FCHO1: variants seen among roughly 807,000 people sequenced by gnomAD.
FCHO1 encodes the protein FCH and mu domain containing endocytic adaptor 1, also known as F-BAR domain only protein 1.
In FCHO1, 45 loss-of-function variants were observed where a neutral mutation model predicts 114.4. The ratio of observed to expected loss-of-function variants is 0.39; its 90% confidence interval spans 0.31 to 0.50. FCHO1 has a LOEUF of 0.50. Ranked by LOEUF, FCHO1 falls within the 20% of genes least tolerant of loss-of-function variation. FCHO1 has a pLI of 0.77. For synonymous variants in FCHO1, 480 were observed against 488.9 expected (o/e 0.98, Z 0.24); for missense variants, 1,042 against 1,209.6 (o/e 0.86, Z 2.06).
chr19:17,756,707 T>G (rs1599550831), intron 4 of FCHO1, among the ~76,000 whole-genome samples: 1 of 152,218 alleles, frequency 6.6e-6, no homozygotes, highest in African/African-American at 2.4e-5. Flanking sequence ...CTGTGACATC[T>G]GTCATCAGTT....
chr19:17,765,519 A>G (rs1003613488), intron 6 of FCHO1, among the ~76,000 whole-genome samples: 1 of 151,890 alleles, frequency 6.6e-6, no homozygotes, highest in Non-Finnish European at 1.5e-5. Flanking sequence ...CTAAAAATGC[A>G]AAAATTAGCC....
At position 17,774,527 on chromosome 19, in the gene FCHO1, C is replaced by T. The variant is rs2287856; in HGVS notation, c.920+49C>T. On this transcript the variant is annotated intron_variant, in intron 13 of 28. Transcript: ENST00000596536. ...CTGGCCCAGGCTAGACCGAGATCCCCTCCCCTGCCCAGGCTATCCCAGAAG... is the reference window on the plus strand; with the variant it reads ...CTGGCCCAGGCTAGACCGAGATCCCTTCCCCTGCCCAGGCTATCCCAGAAG... 1,369,485 of 1,479,054 alleles carry T rather than the reference C, an allele frequency of 0.93. 635,207 individuals are homozygous for T. The highest frequency in any genetic ancestry group is 0.94 in the Non-Finnish European group (999,364 of 1,064,464). 91.6% of individuals were successfully genotyped at this position (1,479,054 alleles called of 1,614,324 possible).
At position 17,775,922 on chromosome 19, in the gene FCHO1, T is replaced by G; in HGVS notation, c.1004-61T>G. ...TGAGCAGGGAGGGACGAGGCTGGATTGGAGAGCTGACTGGGGGAAAGCTTG... is the reference window on the plus strand; with the variant it reads ...TGAGCAGGGAGGGACGAGGCTGGATGGGAGAGCTGACTGGGGGAAAGCTTG... On this transcript the variant is annotated intron_variant, in intron 15 of 28. Coordinates refer to ENST00000596536, the MANE Select transcript of FCHO1 (RefSeq NM_015122.3). This position sits in a 1 kb window ranked among gnomAD's most constrained non-coding sequence, Gnocchi z 5.1. 6 of 1,576,016 alleles carry G rather than the reference T, an allele frequency of 3.8e-6. No individual in the cohort carries two copies. Among genetic ancestry groups the G allele is most frequent in the Non-Finnish European group, 5.2e-6 (6 of 1,163,642 alleles).
At chr19:17,772,264 A>G (rs55842168) in intron 9 of FCHO1, among the ~76,000 whole-genome samples, 193 bp from the exon 10 acceptor site, 9,357 of 152,240 alleles carry the variant, frequency 0.061, 642 homozygotes, top group African/African-American at 0.17. Flanking sequence ...TCCCATCAGC[A>G]CATTGGCTCA....
At position 17,788,458 on chromosome 19, in the gene FCHO1, C is replaced by G. The variant is rs1052211; in HGVS notation, c.*152C>G. On this transcript the variant is annotated 3_prime_UTR_variant, in exon 29 of 29. Transcript: ENST00000596536. ...GCCCCATGCCCAGCCTGGCTGAGCCCGAGATTCGCTCCTCCCCCTCATGCC... is the reference window on the plus strand; with the variant it reads ...GCCCCATGCCCAGCCTGGCTGAGCCGGAGATTCGCTCCTCCCCCTCATGCC... The G allele has an allele frequency of 2.0e-5, 12 of 607,136 alleles. No homozygotes were observed. Among genetic ancestry groups the G allele is most frequent in the Admixed American group, 1.9e-4 (6 of 31,298 alleles). The allele number at this position is 607,136 out of a possible 1,614,324, so 37.6% of individuals were successfully genotyped here.
rs1311930775 is a variant in FCHO1, at chr19:17,787,716, C to T, written c.2517C>T (p.Leu839=). The T allele has an allele frequency of 1.3e-6, 2 of 1,575,252 alleles. No homozygotes were observed. The highest frequency in any genetic ancestry group is 1.7e-6 in the Non-Finnish European group (2 of 1,161,316). The change falls in exon 28 of 29, where the codon CTC becomes CTT. Residue 839 remains leucine, a synonymous_variant. Coordinates refer to ENST00000596536, the MANE Select transcript of FCHO1 (RefSeq NM_015122.3). ...GCCTCTCTGCCAGCTGGGAGCCGCT[C>T]TCAGGGCCCAGCACACCCAGCCCCG... ...SGRLSASWEP[L]SGPSTPSPVA... is the part of the protein sequence containing the mutation.
chr19:17,781,408 G>T, intron 21 of FCHO1, 44 bp from the exon 22 acceptor site: 1 of 1,611,628 alleles, frequency 6.2e-7, no homozygotes, highest in Non-Finnish European at 8.5e-7. Flanking sequence ...TTTGGGCACT[G>T]GTCCTGGGGC....
At chr19:17,770,982 G>GA in intron 9 of FCHO1, 86 bp downstream of exon 9, 2 of 1,198,176 alleles carry the variant, frequency 1.7e-6, no homozygotes, top group East Asian at 4.9e-5. Context: ...GGCAGGGTGT[G>GA]GTGGCTCACA....
chr19:17,784,770 C>G lies in FCHO1; in HGVS notation c.2272C>G (p.His758Asp), dbSNP rs200117114. The part of the protein sequence containing the change: ...PQSVPLQLSA[H>D]WQCGATLTQV... ...GTCTGTGCCTCTGCAGCTCAGTGCC[C>G]ACTGGCAGTGTGGAGCCACCCTCAC... Residue 758 changes from histidine to aspartate, a missense_variant, in exon 26 of 29, where the codon CAC (histidine) becomes GAC (aspartate). Coordinates refer to ENST00000596536, the MANE Select transcript of FCHO1 (RefSeq NM_015122.3). This position sits in a 1 kb window ranked among gnomAD's most constrained non-coding sequence, Gnocchi z 5.3. The G allele has an allele frequency of 6.2e-6, 10 of 1,614,108 alleles. No individual in the cohort carries two copies. Among genetic ancestry groups the G allele is most frequent in the Admixed American group, 5.0e-5 (3 of 60,018 alleles).
At chr19:17,782,823 C>G (rs2093549128) in intron 23 of FCHO1, among the ~76,000 whole-genome samples, 194 bp from the exon 24 acceptor site, 1 of 151,940 alleles carries the variant, frequency 6.6e-6, no homozygotes, top group South Asian at 2.1e-4. Flanking sequence ...CTCCTTCAGC[C>G]CAGGGTGGAT....
At chr19:17,780,315 C>G (rs530694551) in intron 20 of FCHO1, among the ~76,000 whole-genome samples, 1 of 151,994 alleles carries the variant, frequency 6.6e-6, no homozygotes, top group East Asian at 1.9e-4. Flanking sequence ...AGGTGCGTAC[C>G]GCCACACGTG....
chr19:17,771,395 G>A (rs532852062), intron 9 of FCHO1, among the ~76,000 whole-genome samples: 3 of 151,396 alleles, frequency 2.0e-5, no homozygotes, highest in East Asian at 1.9e-4. Context: ...AAGGCTGGGC[G>A]CGGTGGCTCA....
intron 11 of FCHO1, among the ~76,000 whole-genome samples, chr19:17,773,699 C>A (rs549130767): frequency 6.6e-6 from 1 of 152,274 alleles, no homozygotes; most frequent in East Asian, 1.9e-4. Flanking sequence ...TAGCTCATGT[C>A]ACCCCCTGCG....
chr19:17,750,599 C>T (rs951235788), upstream of FCHO1, among the ~76,000 whole-genome samples: 1 of 151,678 alleles, frequency 6.6e-6, no homozygotes, highest in Non-Finnish European at 1.5e-5. Context: ...GCTGGGATTA[C>T]AGGCATATGC....
chr19:17,774,359 T>C (rs1373970693), intron 12 of FCHO1, 35 bp from the exon 13 acceptor site: 1 of 1,612,992 alleles, frequency 6.2e-7, no homozygotes, highest in Admixed American at 1.7e-5. Context: ...GAAAGGAGGC[T>C]CACAGTGCTC....
chr19:17,783,303 G>C, intron 24 of FCHO1, 131 bp downstream of exon 24: 1 of 1,011,106 alleles, frequency 9.9e-7, no homozygotes, highest in South Asian at 1.8e-5. Context: ...GTCTTGCTCT[G>C]TCGCCCAGGC....
Position 17,784,012 on chromosome 19 carries a change from A to T in FCHO1, c.2094-91A>T. On this transcript the variant is annotated intron_variant, in intron 24 of 28. Coordinates refer to ENST00000596536, the MANE Select transcript of FCHO1 (RefSeq NM_015122.3). The surrounding 1 kb of genome is among the most constrained non-coding windows in gnomAD (Gnocchi z 5.3). Reference sequence around the variant, plus strand: ...TTGCTGGGCCCAGGGTGGGCCAGGAAATTGCATCTTTAGGAAGGGGTAGAT... The same window carrying T: ...TTGCTGGGCCCAGGGTGGGCCAGGATATTGCATCTTTAGGAAGGGGTAGAT... 2 of 1,491,870 alleles carry T rather than the reference A, an allele frequency of 1.3e-6. No individual in the cohort carries two copies. The highest frequency in any genetic ancestry group is 1.8e-6 in the Non-Finnish European group (2 of 1,097,052). 92.4% of individuals were successfully genotyped at this position (1,491,870 alleles called of 1,614,324 possible).
rs903802844 is a variant in FCHO1, at chr19:17,784,951, A to C, written c.2426+27A>C. ...TGAGGGCTTGCGGGAGGCCAAGGAA[A>C]ACTCAGCAGTTTCCCCCATAACCCC... On this transcript the variant is annotated intron_variant, in intron 26 of 28. Coordinates refer to ENST00000596536, the MANE Select transcript of FCHO1 (RefSeq NM_015122.3). The surrounding 1 kb of genome is among the most constrained non-coding windows in gnomAD (Gnocchi z 5.3). 3.1e-6 allele frequency: 5 copies of C among 1,602,796 alleles called. No individual in the cohort carries two copies. Among genetic ancestry groups the C allele is most frequent in the Non-Finnish European group, 4.2e-6 (5 of 1,178,870 alleles).
upstream of FCHO1, among the ~76,000 whole-genome samples, chr19:17,750,455 AGTTTT>A (rs1309127308): frequency 1.3e-5 from 2 of 152,078 alleles, no homozygotes; most frequent in Non-Finnish European, 2.9e-5. Flanking sequence ...TGTAAAATAC[AGTTTT>A]GTTTTGTTTT....
Sources: gnomAD v4.1 joint callset for allele counts (sites outside exome capture counted in the v4.1 genomes callset) on GRCh38, gnomAD v4.1.1 for gene constraint, Gnocchi (gnomAD v3.1) non-coding constraint, MANE v1.5 for transcripts, NCBI Gene and HGNC (gene_info 2026-07-23, HGNC 2026-07-21) for gene names.